Variants in KIF6 observed in about 807,000 individuals in gnomAD.
KIF6 encodes the protein kinesin family member 6.
Under a neutral mutation model 112.7 loss-of-function variants are expected in KIF6, and 106 were observed. The observed-to-expected ratio is 0.94, with a 90% CI of 0.80 to 1.11. KIF6 has a LOEUF of 1.11. Among genes scored for constraint, KIF6 ranks in the 50% least tolerant of loss-of-function variants. The pLI is 0.00. For synonymous variants in KIF6, 339 were observed against 339.9 expected, an observed-to-expected ratio of 1.00 and a Z score of 0.03; for missense variants, 929 against 964.0, an observed-to-expected ratio of 0.96 and a Z score of 0.48.
chr6:39,467,205 C>T (rs1773846054), intron 13 of KIF6, among the ~76,000 whole-genome samples: 1 of 152,176 alleles, frequency 6.6e-6, no homozygotes, highest in African/African-American at 2.4e-5. Flanking sequence ...TCCATGAGAG[C>T]AACAAGCTAA....
chr6:39,424,229 C>T, intron 14 of KIF6, among the ~76,000 whole-genome samples: 1 of 152,150 alleles, frequency 6.6e-6, no homozygotes, highest in East Asian at 1.9e-4. Flanking sequence ...TCTGCCTAAC[C>T]CCTTAGTTTC....
chr6:39,356,735 C>T (rs1425624022), intron 19 of KIF6, among the ~76,000 whole-genome samples: 3 of 152,152 alleles, frequency 2.0e-5, no homozygotes, highest in African/African-American at 7.2e-5. Context: ...CGGTGCTACC[C>T]CCTGGGTTGT....
At chr6:39,528,901 C>A (rs1308457795) in intron 13 of KIF6, among the ~76,000 whole-genome samples, 3 of 152,082 alleles carry the variant, frequency 2.0e-5, no homozygotes, top group African/African-American at 7.2e-5. Flanking sequence ...ACCACAAAAA[C>A]CCCTGAATAT....
intron 22 of KIF6, among the ~76,000 whole-genome samples, chr6:39,337,230 T>TCTTTCTTTCTTTCTTCCTTTCTTC (rs1763069560): frequency 8.7e-6 from 1 of 114,402 alleles, no homozygotes; most frequent in Non-Finnish European, 1.6e-5. Context: ...TTTCTTTCTT[T>TCTTTCTTTCTTTCTTCCTTTCTTC]CTTTCTTTTT....
Position 39,342,735 on chromosome 6 carries a change from G to T in KIF6, c.2428+974C>A. Reference sequence around the variant, plus strand: ...AGTGTTGCTGAGGCTGCTGGTCCTGGTGGTGAAGAGAGGATAGTAAATAAG... The same window carrying T: ...AGTGTTGCTGAGGCTGCTGGTCCTGTTGGTGAAGAGAGGATAGTAAATAAG... On this transcript the variant is annotated intron_variant, in intron 22 of 22. Transcript: ENST00000287152. This position sits in a 1 kb window ranked among gnomAD's most constrained non-coding sequence, Gnocchi z 4.7. The T allele has an allele frequency of 1.1e-6, 1 of 947,702 alleles. No homozygotes were observed. Among genetic ancestry groups the T allele is most frequent in the Non-Finnish European group, 1.3e-6 (1 of 795,914 alleles). 58.7% of individuals were successfully genotyped at this position (947,702 alleles called of 1,614,324 possible).
chr6:39,569,621 C>A (rs985889516), intron 10 of KIF6, among the ~76,000 whole-genome samples: 2 of 152,190 alleles, frequency 1.3e-5, no homozygotes, highest in Non-Finnish European at 2.9e-5. Flanking sequence ...CTAGAGTTAC[C>A]TTTAAATGCT....
chr6:39,722,950 T>C (rs983821793), intron 1 of KIF6, among the ~76,000 whole-genome samples: 11 of 151,928 alleles, frequency 7.2e-5, no homozygotes, highest in Admixed American at 5.9e-4. Context: ...GAAAAGAAAG[T>C]TCAGTATTAA....
chr6:39,696,135 A>C (rs1257134842), intron 3 of KIF6, among the ~76,000 whole-genome samples: 1 of 151,932 alleles, frequency 6.6e-6, no homozygotes, highest in Admixed American at 6.6e-5. Context: ...AAAAAGGGGG[A>C]GTGGAGGGGA....
intron 20 of KIF6, among the ~76,000 whole-genome samples, chr6:39,346,132 C>CTCTCTCTCTCTCTCTCTCTCTCT (rs1763766405): frequency 7.4e-5 from 2 of 26,914 alleles, no homozygotes; most frequent in African/African-American, 1.5e-4. Context: ...CCTCCCTCTC[C>CTCTCTCTCTCTCTCTCTCTCTCT]CTCTCTCTCT....
intron 14 of KIF6, 124 bp from the exon 15 acceptor site, chr6:39,420,127 A>T: frequency 5.9e-6 from 4 of 673,644 alleles, no homozygotes; most frequent in Non-Finnish European, 1.0e-5. Flanking sequence ...CAAAAGAAAA[A>T]TCTAAATAAG....
intron 10 of KIF6, among the ~76,000 whole-genome samples, chr6:39,568,324 C>T (rs916267195): frequency 6.6e-6 from 1 of 152,042 alleles, no homozygotes; most frequent in Non-Finnish European, 1.5e-5. Flanking sequence ...GTGAAGAAGG[C>T]GTTTTCAGGG....
At chr6:39,717,372 A>T (rs946429102) in intron 2 of KIF6, among the ~76,000 whole-genome samples, 12 of 152,082 alleles carry the variant, frequency 7.9e-5, no homozygotes, top group African/African-American at 2.9e-4. Context: ...CGTTCTCCCC[A>T]TTAGGGATTT....
At chr6:39,623,120 G>T (rs920135836) in intron 5 of KIF6, among the ~76,000 whole-genome samples, 1 of 152,150 alleles carries the variant, frequency 6.6e-6, no homozygotes, top group African/African-American at 2.4e-5. Flanking sequence ...ACATTGTATA[G>T]AATATGATTC....
chr6:39,594,233 C>T (rs1782114049), intron 7 of KIF6, among the ~76,000 whole-genome samples: 1 of 151,348 alleles, frequency 6.6e-6, no homozygotes, highest in Non-Finnish European at 1.5e-5. Flanking sequence ...GAATTAAGGG[C>T]AGAACATTTC....
chr6:39,579,652 A>T (rs9380882), intron 9 of KIF6, among the ~76,000 whole-genome samples: 16,629 of 152,072 alleles, frequency 0.11, 1,675 homozygotes, highest in East Asian at 0.29. Flanking sequence ...TCTTATCCCA[A>T]ATCATAGGAA....
Position 39,357,459 on chromosome 6 carries a change from T to G in KIF6, c.2083-85A>C, listed in dbSNP as rs890311080. On this transcript the variant is annotated intron_variant, in intron 18 of 22. Coordinates refer to ENST00000287152, the MANE Select transcript of KIF6 (RefSeq NM_145027.6). ...TTTTTGATGTAATTCTTTTTTTTTT[T>G]TTTTTTTGAGATGGAGTCTCGCTCT... The G allele has an allele frequency of 2.8e-4, 248 of 899,536 alleles. 2 individuals carry two copies. The highest frequency in any genetic ancestry group is 4.0e-4 in the Non-Finnish European group (231 of 578,820). 55.7% of individuals were successfully genotyped at this position (899,536 alleles called of 1,614,324 possible).
At chr6:39,706,841 T>C (rs1052693898) in intron 3 of KIF6, among the ~76,000 whole-genome samples, 2 of 152,256 alleles carry the variant, frequency 1.3e-5, no homozygotes, top group Admixed American at 6.5e-5. Flanking sequence ...ATTAGCTTTA[T>C]TGAATCCCCT....
intron 20 of KIF6, among the ~76,000 whole-genome samples, chr6:39,346,113 C>A: frequency 1.7e-5 from 1 of 57,668 alleles, no homozygotes; most frequent in African/African-American, 1.2e-4. Flanking sequence ...CCCCCTCCCT[C>A]TCCCTCTCCC....
chr6:39,424,673 G>A (rs1246974063), intron 14 of KIF6, among the ~76,000 whole-genome samples: 2 of 152,188 alleles, frequency 1.3e-5, no homozygotes, highest in Non-Finnish European at 2.9e-5. Flanking sequence ...TCAGGGCTGG[G>A]TTGATGTGGA....
Sources: allele counts gnomAD v4.1 joint callset (sites outside exome capture counted in the v4.1 genomes callset), GRCh38; gene constraint gnomAD v4.1.1; non-coding constraint Gnocchi (gnomAD v3.1); transcripts MANE v1.5; gene names NCBI Gene and HGNC (gene_info 2026-07-23, HGNC 2026-07-21).